Variants in NTM observed in about 807,000 individuals in gnomAD.
NTM encodes the protein neurotrimin.
Under a neutral mutation model 42.1 loss-of-function variants are expected in NTM, and 13 were observed. The observed-to-expected ratio is 0.31, with a 90% CI of 0.20 to 0.49. The LOEUF (loss-of-function observed/expected upper bound fraction) is 0.49, where lower values mean the gene tolerates loss of function less well. Among genes scored for constraint, NTM ranks in the 20% least tolerant of loss-of-function variants. The pLI, the probability that NTM is intolerant of heterozygous loss-of-function variation, is 0.99. For missense variants in NTM, 373 were observed against 452.8 expected, an observed-to-expected ratio of 0.82 and a Z score of 1.60; for synonymous variants, 187 against 179.2, an observed-to-expected ratio of 1.04 and a Z score of -0.35.
intron 1 of NTM, among the ~76,000 whole-genome samples, chr11:131,644,402 G>A (rs765665876): frequency 4.6e-5 from 7 of 152,136 alleles, no homozygotes; most frequent in Admixed American, 4.6e-4. Context: ...GCTGCCCCAG[G>A]GAGTTTCCCA....
chr11:132,216,762 C>T (rs1489282718), intron 4 of NTM, among the ~76,000 whole-genome samples: 3 of 152,158 alleles, frequency 2.0e-5, no homozygotes, highest in African/African-American at 7.2e-5. Flanking sequence ...TGCCAATGCC[C>T]CAAAGAGGCA....
chr11:131,500,953 G>T (rs1468637126), intron 1 of NTM, among the ~76,000 whole-genome samples: 1 of 151,766 alleles, frequency 6.6e-6, no homozygotes, highest in East Asian at 2.0e-4. Context: ...ATTCTATGGT[G>T]TATATGTGCC....
intron 1 of NTM, chr11:131,573,562 T>G (rs562747687): frequency 5.3e-5 from 8 of 152,174 alleles, no homozygotes; most frequent in African/African-American, 1.9e-4. Flanking sequence ...GGTGACCACC[T>G]CTCCCAGGCA....
chr11:131,910,860 G>T lies in NTM; in HGVS notation c.83-704G>T, dbSNP rs1048534779. On this transcript the variant is annotated intron_variant, in intron 1 of 8. Coordinates refer to ENST00000683400, the MANE Select transcript of NTM (RefSeq NM_001352005.2). Reference sequence around the variant, plus strand: ...TTGGGCTCCGAGGAAGTTGACCGAGGCGGCTGCCGCAGGATCCCGGGCCCG... The same window carrying T: ...TTGGGCTCCGAGGAAGTTGACCGAGTCGGCTGCCGCAGGATCCCGGGCCCG... 45 of 985,294 alleles carry T rather than the reference G, an allele frequency of 4.6e-5. No homozygotes were observed. The African/African-American group carries it at 7.7e-4, about 17-fold the overall frequency. The allele number at this position is 985,294 out of a possible 1,614,324, so 61.0% of individuals were successfully genotyped here. A position where few individuals can be genotyped will look rare whatever the true frequency, so the allele number is the denominator to read the frequency against.
intron 4 of NTM, among the ~76,000 whole-genome samples, chr11:132,298,333 T>A (rs934852268): frequency 7.2e-5 from 11 of 152,246 alleles, no homozygotes; most frequent in African/African-American, 2.2e-4. Flanking sequence ...TTTTTATTTT[T>A]ATTTTTTTAG....
chr11:132,015,444 T>C (rs2073217341), intron 2 of NTM, among the ~76,000 whole-genome samples: 1 of 151,994 alleles, frequency 6.6e-6, no homozygotes, highest in Admixed American at 6.6e-5. Context: ...CATTGGTGTT[T>C]TCGCAGGGAT....
chr11:132,218,410 C>A (rs762114720), intron 4 of NTM, among the ~76,000 whole-genome samples: 2 of 152,180 alleles, frequency 1.3e-5, no homozygotes, highest in Non-Finnish European at 2.9e-5. Flanking sequence ...TGCAATAATC[C>A]AAGAAGGGGC....
chr11:132,064,814 A>G (rs1444875394), intron 2 of NTM, among the ~76,000 whole-genome samples: 1 of 152,206 alleles, frequency 6.6e-6, no homozygotes, highest in Non-Finnish European at 1.5e-5. Context: ...GCCTGGGGTT[A>G]TGGGTCAGAA....
At chr11:131,749,956 CTG>C (rs2082280583) in intron 1 of NTM, among the ~76,000 whole-genome samples, 5 of 152,300 alleles carry the variant, frequency 3.3e-5, no homozygotes, top group East Asian at 1.9e-4. Context: ...TTAAACATTT[CTG>C]TGTTTCTCGC....
At chr11:131,545,857 A>C (rs2053867333) in intron 1 of NTM, among the ~76,000 whole-genome samples, 1 of 152,200 alleles carries the variant, frequency 6.6e-6, no homozygotes, top group South Asian at 2.1e-4. Flanking sequence ...CAGTGCCTTC[A>C]TGCAAAGAAC....
chr11:132,096,264 G>A (rs2060970425), intron 2 of NTM, among the ~76,000 whole-genome samples: 1 of 152,198 alleles, frequency 6.6e-6, no homozygotes, highest in African/African-American at 2.4e-5. Context: ...AACAGAGTGT[G>A]TTGTAATTGG....
At chr11:131,521,558 G>C (rs1003354619) in intron 1 of NTM, among the ~76,000 whole-genome samples, 2 of 151,318 alleles carry the variant, frequency 1.3e-5, no homozygotes, top group Non-Finnish European at 1.5e-5. Context: ...GCAAGGGCCC[G>C]AGGTGCCAGG....
At chr11:132,214,449 C>G (rs1241635170) in intron 4 of NTM, among the ~76,000 whole-genome samples, 1 of 152,110 alleles carries the variant, frequency 6.6e-6, no homozygotes, top group African/African-American at 2.4e-5. Flanking sequence ...TTTCTTCCCC[C>G]ACTTCTCCTG....
At chr11:132,326,630 G>A (rs1377788951) in intron 7 of NTM, among the ~76,000 whole-genome samples, 2 of 152,182 alleles carry the variant, frequency 1.3e-5, no homozygotes, top group Admixed American at 1.3e-4. Context: ...ACCTTCTTGG[G>A]TGTAGGAGAA....
At chr11:131,996,668 C>T (rs140594418) in intron 2 of NTM, among the ~76,000 whole-genome samples, 3 of 151,956 alleles carry the variant, frequency 2.0e-5, no homozygotes, top group Non-Finnish European at 2.9e-5. Context: ...TTGGGATTTA[C>T]AGCTGGGTCT....
At chr11:131,990,763 A>G (rs1235804877) in intron 2 of NTM, among the ~76,000 whole-genome samples, 1 of 152,182 alleles carries the variant, frequency 6.6e-6, no homozygotes, top group East Asian at 1.9e-4. Flanking sequence ...ATCAAGCCTA[A>G]TGTAGCATGG....
At chr11:132,201,977 C>G (rs1477264101) in intron 3 of NTM, among the ~76,000 whole-genome samples, 1 of 152,146 alleles carries the variant, frequency 6.6e-6, no homozygotes, top group East Asian at 1.9e-4. Flanking sequence ...TTAGTTTTCT[C>G]CCATGAGGAA....
At chr11:131,487,394 G>A (rs1201093086) in intron 1 of NTM, among the ~76,000 whole-genome samples, 1 of 152,086 alleles carries the variant, frequency 6.6e-6, no homozygotes, top group Non-Finnish European at 1.5e-5. Context: ...ATTATTTCCA[G>A]TTTCAATGAA....
At chr11:131,795,348 G>T in intron 1 of NTM, 1 of 976,122 alleles carries the variant, frequency 1.0e-6, no homozygotes. Flanking sequence ...ATAAGTGGGA[G>T]ATGTTATTGT....
Sources: gnomAD v4.1 joint callset for allele counts (sites outside exome capture counted in the v4.1 genomes callset) on GRCh38, gnomAD v4.1.1 for gene constraint, MANE v1.5 for transcripts, NCBI Gene and HGNC (gene_info 2026-07-23, HGNC 2026-07-21) for gene names.